The following EXOC4 variants were observed in gnomAD, a reference collection of about 807,000 sequenced individuals.
The protein encoded by EXOC4 is SEC8-like 1.
A neutral mutation model predicts 107.2 loss-of-function variants in EXOC4; 71 were observed. The ratio of observed to expected loss-of-function variants is 0.66; its 90% confidence interval spans 0.55 to 0.81. The LOEUF is 0.81. EXOC4 is among the 30% of genes least tolerant of loss of function. The pLI is 0.00. For missense variants in EXOC4, 1,108 were observed against 1,189.6 expected (o/e 0.93, Z 1.01); for synonymous variants, 456 against 441.2 (o/e 1.03, Z -0.42).
intron 13 of EXOC4, chr7:133,930,725 A>C (rs1800157673): frequency 6.6e-6 from 1 of 151,706 alleles, no homozygotes; most frequent in Admixed American, 6.6e-5. Context: ...TGAGTCTCCA[A>C]CTTATTGGCT....
chr7:133,885,268 C>T (rs1052875139), intron 11 of EXOC4, among the ~76,000 whole-genome samples: 4 of 150,856 alleles, frequency 2.7e-5, no homozygotes, highest in East Asian at 2.0e-4. Flanking sequence ...GAGCCAAGAT[C>T]GCGCTGCTGC....
chr7:133,827,491 T>A (rs1797728595), intron 11 of EXOC4, among the ~76,000 whole-genome samples: 1 of 152,174 alleles, frequency 6.6e-6, no homozygotes, highest in African/African-American at 2.4e-5. Context: ...AGCTTCTATA[T>A]AATATAGCCA....
At chr7:133,643,736 T>C (rs1050605069) in intron 10 of EXOC4, among the ~76,000 whole-genome samples, 7 of 152,154 alleles carry the variant, frequency 4.6e-5, no homozygotes, top group Non-Finnish European at 8.8e-5. Context: ...TGTCACATGA[T>C]GAAGGAAAAA....
At chr7:133,704,689 A>T (rs923593205) in intron 10 of EXOC4, among the ~76,000 whole-genome samples, 9 of 152,142 alleles carry the variant, frequency 5.9e-5, no homozygotes, top group African/African-American at 2.2e-4. Context: ...GTGTGTGGAA[A>T]AGATACATTG....
At chr7:133,743,156 A>G (rs1318178944) in intron 10 of EXOC4, among the ~76,000 whole-genome samples, 1 of 152,200 alleles carries the variant, frequency 6.6e-6, no homozygotes, top group Non-Finnish European at 1.5e-5. Context: ...CAATACTTGT[A>G]TATTAACAAG....
chr7:133,446,708 A>G (rs1021699419), intron 7 of EXOC4, among the ~76,000 whole-genome samples: 1 of 152,204 alleles, frequency 6.6e-6, no homozygotes, highest in African/African-American at 2.4e-5. Context: ...AGTATCAAAA[A>G]CTGATAATCC....
chr7:133,313,494 G>A (rs778810590), intron 4 of EXOC4, among the ~76,000 whole-genome samples: 35 of 152,248 alleles, frequency 2.3e-4, no homozygotes, highest in Non-Finnish European at 3.8e-4. Flanking sequence ...TCAGTTATTC[G>A]ATTTACAACT....
At chr7:133,293,610 A>G (rs1016064152) in intron 3 of EXOC4, among the ~76,000 whole-genome samples, 3 of 152,224 alleles carry the variant, frequency 2.0e-5, no homozygotes, top group Admixed American at 6.5e-5. Context: ...AGCTCCTGCT[A>G]TTCCTACTGC....
At chr7:134,057,954 G>A (rs182924376) in intron 17 of EXOC4, among the ~76,000 whole-genome samples, 13 of 152,314 alleles carry the variant, frequency 8.5e-5, no homozygotes, top group Middle Eastern at 3.4e-3. Flanking sequence ...GAGTTTAGTT[G>A]ATCTCTTAAA....
intron 11 of EXOC4, among the ~76,000 whole-genome samples, chr7:133,866,180 C>G (rs1375141110): frequency 6.6e-6 from 1 of 152,140 alleles, no homozygotes; most frequent in African/African-American, 2.4e-5. Context: ...TGCAACAATA[C>G]TATACTACAA....
intron 2 of EXOC4, among the ~76,000 whole-genome samples, chr7:133,278,456 G>A (rs1794049840): frequency 6.6e-6 from 1 of 152,078 alleles, no homozygotes; most frequent in Admixed American, 6.5e-5. Flanking sequence ...TGTTTTAGCT[G>A]GGTTGGCCAG....
chr7:133,353,235 C>A (rs969886244), intron 5 of EXOC4, among the ~76,000 whole-genome samples: 1 of 151,932 alleles, frequency 6.6e-6, no homozygotes, highest in Non-Finnish European at 1.5e-5. Context: ...ATATTTATTT[C>A]TTCATATGCC....
intron 17 of EXOC4, among the ~76,000 whole-genome samples, chr7:134,047,357 T>C (rs1795680393): frequency 6.6e-6 from 1 of 152,232 alleles, no homozygotes. Context: ...GAGAGCCACA[T>C]TGTGGAGCAG....
At chr7:133,538,723 C>T (rs1425828481) in intron 9 of EXOC4, among the ~76,000 whole-genome samples, 2 of 151,836 alleles carry the variant, frequency 1.3e-5, no homozygotes, top group Non-Finnish European at 2.9e-5. Context: ...CCTAGATAGC[C>T]GGGAGGCTGA....
intron 7 of EXOC4, among the ~76,000 whole-genome samples, chr7:133,384,735 TA>T (rs11396470): frequency 7.4e-4 from 101 of 136,642 alleles, no homozygotes; most frequent in Non-Finnish European, 9.4e-4. Context: ...TAAGCGTATT[TA>T]AAAAAAAAAA....
intron 14 of EXOC4, among the ~76,000 whole-genome samples, chr7:133,986,023 G>A (rs1176524739): frequency 6.6e-6 from 1 of 152,174 alleles, no homozygotes; most frequent in Non-Finnish European, 1.5e-5. Flanking sequence ...AGATGTAAAA[G>A]GATTCATTGG....
intron 9 of EXOC4, among the ~76,000 whole-genome samples, chr7:133,485,938 C>G (rs1038364884): frequency 1.3e-5 from 2 of 151,944 alleles, no homozygotes; most frequent in East Asian, 3.9e-4. Flanking sequence ...AATGTATACT[C>G]AATTTCCATT....
intron 9 of EXOC4, among the ~76,000 whole-genome samples, chr7:133,542,907 CT>C (rs1204983075): frequency 2.0e-5 from 3 of 151,528 alleles, no homozygotes; most frequent in African/African-American, 7.3e-5. Context: ...AGAATAAAAA[CT>C]TACAGGTTAT....
chr7:134,045,740 G>C lies in EXOC4; in HGVS notation c.2688-18551G>C, dbSNP rs373740948. Among the ~76,000 whole-genome samples the C allele has an allele frequency of 1.3e-4, 19 of 151,964 alleles. 1 individual carries two copies. Among genetic ancestry groups the C allele is most frequent in the African/African-American group, 3.4e-4 (14 of 41,418 alleles). On this transcript the variant is annotated intron_variant, in intron 17 of 17. Coordinates refer to ENST00000253861, the MANE Select transcript of EXOC4 (RefSeq NM_021807.4). The stretch of plus-strand genomic sequence containing the variant: ...AGTTTTGGAACATTTTCATCACCCC[G>C]AAAGGAAACCCCATATCCATTAGCA...
Sources: gnomAD v4.1 joint callset for allele counts (sites outside exome capture counted in the v4.1 genomes callset) on GRCh38, gnomAD v4.1.1 for gene constraint, MANE v1.5 for transcripts, NCBI Gene and HGNC (gene_info 2026-07-23, HGNC 2026-07-21) for gene names.